The following RGS6 variants were observed in gnomAD, a reference collection of about 807,000 sequenced individuals.
RGS6 encodes regulator of G protein signaling 6.
In RGS6, 30 loss-of-function variants were observed where a neutral mutation model predicts 78.5. The ratio of observed to expected loss-of-function variants is 0.38; its 90% CI spans 0.29 to 0.52. The LOEUF is 0.52. Ranked by LOEUF, RGS6 falls within the 20% of genes least tolerant of loss-of-function variation. RGS6 has a pLI of 0.85. For missense variants in RGS6, 495 were observed against 609.7 expected, an observed-to-expected ratio of 0.81 and a Z score of 1.98; for synonymous variants, 206 against 206.0, an observed-to-expected ratio of 1.00 and a Z score of 0.00.
chr14:72,540,360 G>A, intron 17 of RGS6: 3 of 1,457,486 alleles, frequency 2.1e-6, no homozygotes, highest in Non-Finnish European at 2.7e-6. Context: ...TTGATCATCT[G>A]TTCAGGGCTT....
upstream of RGS6, among the ~76,000 whole-genome samples, chr14:71,931,702 T>C (rs1315457458): frequency 6.6e-6 from 1 of 152,234 alleles, no homozygotes; most frequent in Non-Finnish European, 1.5e-5. Flanking sequence ...TATTTCCACC[T>C]GCAGCTTTTT....
chr14:72,084,858 C>T (rs552516886), intron 2 of RGS6, among the ~76,000 whole-genome samples: 1 of 152,226 alleles, frequency 6.6e-6, no homozygotes, highest in Non-Finnish European at 1.5e-5. Flanking sequence ...GAGTTGTTCT[C>T]AAATAATAAA....
intron 2 of RGS6, among the ~76,000 whole-genome samples, chr14:72,339,993 T>C (rs950805911): frequency 3.7e-4 from 57 of 152,144 alleles, no homozygotes; most frequent in African/African-American, 1.3e-3. Context: ...TTTAGACTCA[T>C]TTAAAATCCT....
chr14:72,252,876 G>A (rs1294596726), intron 2 of RGS6, among the ~76,000 whole-genome samples: 5 of 152,170 alleles, frequency 3.3e-5, no homozygotes, highest in African/African-American at 1.2e-4. Context: ...TTGATCCTAG[G>A]TTTCTCAAAG....
rs115799348 is a variant in RGS6 at position 72,208,199 on chromosome 14, C to G, written c.85-143896C>G. ...TTACTTTCTGAAGGAGAGAAACTCT[C>G]TATCTCTAGGCATGTGCATAATGCA... On this transcript the variant is annotated intron_variant, in intron 2 of 17. Transcript: ENST00000553525. 1.0e-3 allele frequency among the ~76,000 whole-genome samples: 158 copies of G among 152,314 alleles called. 1 individual carries two copies. Among genetic ancestry groups the G allele is most frequent in the African/African-American group, 3.4e-3 (143 of 41,560 alleles).
intron 2 of RGS6, among the ~76,000 whole-genome samples, chr14:72,151,920 G>A (rs2096694814): frequency 6.6e-6 from 1 of 152,148 alleles, no homozygotes; most frequent in Admixed American, 6.5e-5. Context: ...TTGGAGTCAG[G>A]TGTGGGAACT....
rs748588192 is a variant in RGS6 at position 72,283,308 on chromosome 14, A to G, written c.85-68787A>G. Among the ~76,000 whole-genome samples, 4 of 152,198 alleles carry G rather than the reference A, an allele frequency of 2.6e-5. No homozygotes were observed. In the South Asian group the frequency reaches 6.2e-4, roughly 24 times the overall value. On this transcript the variant is annotated intron_variant, in intron 2 of 17. Coordinates refer to ENST00000553525, the MANE Select transcript of RGS6 (RefSeq NM_001204424.2). ...ATATACCCAGAAGTGGGATCACTGGATCATATGATAGTGCTATTTTTAATG... is the reference window on the plus strand; with the variant it reads ...ATATACCCAGAAGTGGGATCACTGGGTCATATGATAGTGCTATTTTTAATG...
intron 2 of RGS6, among the ~76,000 whole-genome samples, chr14:72,024,544 T>A (rs1365269287): frequency 6.6e-6 from 1 of 152,214 alleles, no homozygotes; most frequent in African/African-American, 2.4e-5. Flanking sequence ...TGGATTCATA[T>A]CCAGCTCTTG....
intron 2 of RGS6, among the ~76,000 whole-genome samples, chr14:72,311,059 C>T (rs939376886): frequency 1.3e-5 from 2 of 152,196 alleles, no homozygotes; most frequent in African/African-American, 2.4e-5. Context: ...GCAATGTGTG[C>T]GATCACTCTA....
intron 2 of RGS6, among the ~76,000 whole-genome samples, chr14:72,212,823 G>A (rs573601298): frequency 5.2e-4 from 79 of 152,308 alleles, no homozygotes; most frequent in Admixed American, 9.8e-4. Context: ...AGTAGGCCCA[G>A]TTCCAAGGAT....
At chr14:71,885,028 C>A in the RGS6 span, among the ~76,000 whole-genome samples, 1 of 152,176 alleles carries the variant, frequency 6.6e-6, no homozygotes, top group Non-Finnish European at 1.5e-5. Flanking sequence ...GACAGCACTG[C>A]AAATGTAGCA....
chr14:72,329,198 T>G (rs1317101000), intron 2 of RGS6, among the ~76,000 whole-genome samples: 2 of 152,272 alleles, frequency 1.3e-5, no homozygotes, highest in Non-Finnish European at 2.9e-5. Flanking sequence ...TTTTAGATGT[T>G]GGGAAGTTTT....
At chr14:72,072,891 T>C (rs907803719) in intron 2 of RGS6, among the ~76,000 whole-genome samples, 3 of 152,268 alleles carry the variant, frequency 2.0e-5, no homozygotes, top group African/African-American at 4.8e-5. Flanking sequence ...GGCTGCACAT[T>C]GGACAACCTG....
chr14:72,222,771 G>A (rs879341973), intron 2 of RGS6, among the ~76,000 whole-genome samples: 6 of 152,178 alleles, frequency 3.9e-5, no homozygotes, highest in Non-Finnish European at 7.3e-5. Flanking sequence ...GATAAAGAGA[G>A]TTCTGGATGG....
intron 2 of RGS6, among the ~76,000 whole-genome samples, chr14:72,304,507 A>G (rs1004068956): frequency 1.8e-4 from 27 of 152,210 alleles, no homozygotes; most frequent in African/African-American, 6.5e-4. Context: ...CACATTTTGC[A>G]TCTGAAGTCA....
chr14:72,494,556 A>G, intron 12 of RGS6, among the ~76,000 whole-genome samples: 1 of 152,310 alleles, frequency 6.6e-6, no homozygotes, highest in South Asian at 2.1e-4. Flanking sequence ...ATTCACATAC[A>G]TTTTGATAAG....
At chr14:72,190,182 C>T (rs2097304667) in intron 2 of RGS6, among the ~76,000 whole-genome samples, 2 of 152,176 alleles carry the variant, frequency 1.3e-5, no homozygotes, top group East Asian at 1.9e-4. Flanking sequence ...TTCATGGTTC[C>T]TCCCTGAGCC....
intron 2 of RGS6, among the ~76,000 whole-genome samples, chr14:71,971,160 C>G (rs2093780224): frequency 6.6e-6 from 1 of 152,162 alleles, no homozygotes; most frequent in African/African-American, 2.4e-5. Context: ...AAAGTATCTT[C>G]CCTTTGGGCC....
chr14:71,959,215 C>G (rs1024383946), intron 1 of RGS6, among the ~76,000 whole-genome samples: 1 of 152,142 alleles, frequency 6.6e-6, no homozygotes, highest in Non-Finnish European at 1.5e-5. Context: ...CTTCTTTCCC[C>G]TTGGGATTCC....
Sources: allele counts gnomAD v4.1 joint callset (sites outside exome capture counted in the v4.1 genomes callset), GRCh38; gene constraint gnomAD v4.1.1; transcripts MANE v1.5; gene names NCBI Gene and HGNC (gene_info 2026-07-23, HGNC 2026-07-21).